DLGAP2: variants seen among roughly 807,000 people sequenced by gnomAD.
DLGAP2 encodes the protein DLG associated protein 2.
In DLGAP2, 26 loss-of-function variants were observed where a neutral mutation model predicts 100.3. The ratio of observed to expected loss-of-function variants is 0.26; its 90% CI spans 0.19 to 0.36. The LOEUF is 0.36. Among genes scored for constraint, DLGAP2 ranks in the 10% least tolerant of loss-of-function variants. The probability of loss-of-function intolerance (pLI) is 1.00; values close to 1 mark genes in which losing one functional copy is unlikely to be tolerated. For missense variants in DLGAP2, 1,858 were observed against 1,453.2 expected, an observed-to-expected ratio of 1.28 and a Z score of -4.53; for synonymous variants, 886 against 630.1, an observed-to-expected ratio of 1.41 and a Z score of -6.08.
chr8:848,296 ACGTGCGGTGCCTGTTCCAGTATAGGAT>A (rs987742295), intron 1 of DLGAP2, among the ~76,000 whole-genome samples: 5 of 151,424 alleles, frequency 3.3e-5, no homozygotes, highest in South Asian at 2.1e-4. Flanking sequence ...CAATATAGAA[ACGTGCGGTGCCTGTTCCAGTATAGGAT>A]CGTGCGGTGC....
intron 2 of DLGAP2, among the ~76,000 whole-genome samples, chr8:994,272 C>G (rs1800722362): frequency 6.6e-6 from 1 of 152,290 alleles, no homozygotes; most frequent in African/African-American, 2.4e-5. Flanking sequence ...GCGATCTCGG[C>G]TCACTGCAAC....
intron 3 of DLGAP2, among the ~76,000 whole-genome samples, chr8:1,386,196 A>C (rs76403356): frequency 6.6e-6 from 1 of 152,236 alleles, no homozygotes; most frequent in African/African-American, 2.4e-5. Flanking sequence ...AAGCTCTCAA[A>C]AGAGCATAGA....
intron 2 of DLGAP2, among the ~76,000 whole-genome samples, chr8:1,114,527 G>C (rs1399706314): frequency 6.6e-6 from 1 of 152,044 alleles, no homozygotes; most frequent in Non-Finnish European, 1.5e-5. Context: ...TTTTATTTCT[G>C]TGGGGTCAGT....
chr8:798,040 A>T (rs1358311162), intron 1 of DLGAP2, among the ~76,000 whole-genome samples: 1 of 152,176 alleles, frequency 6.6e-6, no homozygotes, highest in Non-Finnish European at 1.5e-5. Context: ...GTGAGCCACC[A>T]CGCCTGGCCA....
intron 3 of DLGAP2, among the ~76,000 whole-genome samples, chr8:1,351,952 C>T (rs1306119500): frequency 1.6e-4 from 13 of 79,524 alleles, no homozygotes; most frequent in East Asian, 6.3e-4. Context: ...AAAGGCCGTG[C>T]GGGTCCTGAG....
chr8:913,728 T>A (rs1798535542), intron 2 of DLGAP2, among the ~76,000 whole-genome samples: 1 of 152,244 alleles, frequency 6.6e-6, no homozygotes, highest in South Asian at 2.1e-4. Context: ...GACTTCATTG[T>A]CCCACAGCTG....
At chr8:1,562,551 T>TC (rs1802211330) in intron 5 of DLGAP2, among the ~76,000 whole-genome samples, 2 of 35,760 alleles carry the variant, frequency 5.6e-5, no homozygotes, top group South Asian at 2.3e-3. Flanking sequence ...TGTGTGGTGT[T>TC]GGGTGTCCGT....
chr8:1,316,749 AAAT>A (rs961136832), intron 3 of DLGAP2, among the ~76,000 whole-genome samples: 5 of 144,056 alleles, frequency 3.5e-5, no homozygotes, highest in African/African-American at 1.0e-4. Context: ...GCAGCTTTAA[AAAT>A]AGAGCGTGTG....
chr8:1,207,536 C>T (rs1798021834), intron 2 of DLGAP2, among the ~76,000 whole-genome samples: 1 of 152,178 alleles, frequency 6.6e-6, no homozygotes, highest in Non-Finnish European at 1.5e-5. Flanking sequence ...CATGCATGTG[C>T]AAGGATCTTT....
chr8:966,638 T>G (rs1487297305), intron 2 of DLGAP2, among the ~76,000 whole-genome samples: 1 of 132,824 alleles, frequency 7.5e-6, no homozygotes, highest in Non-Finnish European at 1.7e-5. Flanking sequence ...TCTTTTTCCC[T>G]CTAACAAAAT....
At chr8:1,585,161 G>C (rs4876096) in intron 6 of DLGAP2, among the ~76,000 whole-genome samples, 87,226 of 151,974 alleles carry the variant, frequency 0.57, 25,948 homozygotes, top group African/African-American at 0.75. Flanking sequence ...CTGGCGCCTG[G>C]TTTGTTCATT....
chr8:1,323,483 A>G (rs1800952819), intron 3 of DLGAP2, among the ~76,000 whole-genome samples: 1 of 152,154 alleles, frequency 6.6e-6, no homozygotes, highest in Non-Finnish European at 1.5e-5. Context: ...CCCACCCCAC[A>G]CTGTGGCTCC....
chr8:880,741 CTT>C lies in DLGAP2; in HGVS notation c.19-27169_19-27168del, dbSNP rs1311559907. Among the ~76,000 whole-genome samples the C allele has an allele frequency of 6.6e-5, 10 of 152,356 alleles. No individual in the cohort carries two copies. In the East Asian group the frequency reaches 1.4e-3, roughly 21 times the overall value. The stretch of plus-strand genomic sequence containing the variant: ...CGACATGGTATCTGTGCTGGGGAGA[CTT>C]TGTATGTGGGTCCTTTCTCTCCTGA... On this transcript the variant is annotated intron_variant, in intron 1 of 14. Transcript: ENST00000637795.
At chr8:1,493,419 C>T (rs992727307) in intron 3 of DLGAP2, among the ~76,000 whole-genome samples, 1 of 152,184 alleles carries the variant, frequency 6.6e-6, no homozygotes, top group East Asian at 1.9e-4. Flanking sequence ...TAGACCGCTG[C>T]CTCCATCTCC....
rs1450874518 is a variant in DLGAP2, at chr8:1,678,389, C to T, written c.2464C>T (p.Arg822Trp). Residue 822 changes from arginine to tryptophan, a missense_variant, in exon 12 of 15, where the codon CGG (arginine) becomes TGG (tryptophan). Physicochemically the swap from Arg to Trp is moderately radical, Grantham distance 101. Transcript: ENST00000637795. ...PTQYSAVRTV[R>W]TQGLFSYRED... ...CCAGTACAGCGCGGTGAGAACTGTA[C>T]GGACCCAGGGGCTCTTCAGCTATAG... 2.0e-5 allele frequency: 32 copies of T among 1,613,944 alleles called. No homozygotes were observed. The highest frequency in any genetic ancestry group is 3.3e-5 in the South Asian group (3 of 91,076).
chr8:1,592,870 G>C (rs1401557852), intron 6 of DLGAP2, among the ~76,000 whole-genome samples: 1 of 152,106 alleles, frequency 6.6e-6, no homozygotes, highest in Non-Finnish European at 1.5e-5. Flanking sequence ...ATGTTACATG[G>C]AGCAGTTACA....
chr8:1,649,511 C>T (rs1003311281), intron 8 of DLGAP2, among the ~76,000 whole-genome samples: 1 of 152,110 alleles, frequency 6.6e-6, no homozygotes, highest in Non-Finnish European at 1.5e-5. Flanking sequence ...CTTTTTCAAA[C>T]ACCAAAAATG....
intron 3 of DLGAP2, among the ~76,000 whole-genome samples, chr8:1,357,929 C>T (rs550166534): frequency 2.6e-5 from 4 of 152,300 alleles, no homozygotes; most frequent in South Asian, 4.1e-4. Flanking sequence ...ACTGTGAGCA[C>T]CTGGGTGTTT....
chr8:1,409,749 G>C (rs529692486), intron 3 of DLGAP2, among the ~76,000 whole-genome samples: 4 of 152,270 alleles, frequency 2.6e-5, no homozygotes, highest in African/African-American at 9.6e-5. Context: ...AGAACTGAAA[G>C]AGGAAGGGAG....
Sources: gnomAD v4.1 joint callset for allele counts (sites outside exome capture counted in the v4.1 genomes callset) on GRCh38, gnomAD v4.1.1 for gene constraint, MANE v1.5 for transcripts, NCBI Gene and HGNC (gene_info 2026-07-23, HGNC 2026-07-21) for gene names.